Variants in KAZN observed in about 807,000 individuals in gnomAD.
KAZN encodes kazrin, periplakin interacting protein, also known as kazrin.
In KAZN, 40 loss-of-function variants were observed where a neutral mutation model predicts 87.4. The observed-to-expected ratio is 0.46, with a 90% confidence interval of 0.36 to 0.60. The LOEUF (loss-of-function observed/expected upper bound fraction) is 0.60, where lower values mean the gene tolerates loss of function less well. Ranked by LOEUF, KAZN falls within the 20% of genes least tolerant of loss-of-function variation. The pLI, the probability that KAZN is intolerant of heterozygous loss-of-function variation, is 0.00. For synonymous variants in KAZN, 466 were observed against 458.3 expected (o/e 1.02, Z -0.22); for missense variants, 898 against 1,073.9 (o/e 0.84, Z 2.29).
chr1:14,573,202 T>C (rs1557809071), intron 2 of KAZN, among the ~76,000 whole-genome samples: 2 of 152,218 alleles, frequency 1.3e-5, no homozygotes. Flanking sequence ...TTAAGCCCCA[T>C]GTGTATTTAG....
chr1:14,506,752 G>A (rs1272026475), intron 2 of KAZN, among the ~76,000 whole-genome samples: 2 of 152,176 alleles, frequency 1.3e-5, no homozygotes, highest in African/African-American at 2.4e-5. Context: ...GCTTTAGAAT[G>A]CATGAACAAA....
intron 1 of KAZN, among the ~76,000 whole-genome samples, chr1:14,167,197 C>T (rs1282236844): frequency 6.6e-6 from 1 of 152,194 alleles, no homozygotes; most frequent in African/African-American, 2.4e-5. Flanking sequence ...TCGTCAAGGT[C>T]AGGGGACAGA....
intron 2 of KAZN, among the ~76,000 whole-genome samples, chr1:14,567,197 G>T (rs1303305288): frequency 6.6e-6 from 1 of 152,082 alleles, no homozygotes; most frequent in African/African-American, 2.4e-5. Flanking sequence ...AGATGGCATA[G>T]TTTCAATATT....
intron 1 of KAZN, among the ~76,000 whole-genome samples, chr1:14,750,309 A>C (rs1440220226): frequency 2.0e-5 from 3 of 152,166 alleles, no homozygotes; most frequent in African/African-American, 7.2e-5. Flanking sequence ...AGAATTCAGG[A>C]TATCAATAAA....
intron 1 of KAZN, among the ~76,000 whole-genome samples, chr1:14,685,080 T>C (rs10803301): frequency 0.53 from 79,910 of 151,938 alleles, 21,089 homozygotes; most frequent in South Asian, 0.63. Context: ...CAGAAGCAAA[T>C]TCTGAGACAA....
At chr1:14,000,810 T>C (rs1639754019) in intron 1 of KAZN, among the ~76,000 whole-genome samples, 1 of 150,534 alleles carries the variant, frequency 6.6e-6, no homozygotes, top group Admixed American at 6.6e-5. Flanking sequence ...TGAGACGGAG[T>C]CTCGCTCTGT....
At chr1:14,299,634 A>G (rs1282235067) in intron 2 of KAZN, among the ~76,000 whole-genome samples, 1 of 152,212 alleles carries the variant, frequency 6.6e-6, no homozygotes, top group African/African-American at 2.4e-5. Flanking sequence ...TGTCGCACCC[A>G]TAGTTCTGCT....
At chr1:14,616,161 C>T (rs973368817) in intron 1 of KAZN, among the ~76,000 whole-genome samples, 2 of 152,174 alleles carry the variant, frequency 1.3e-5, no homozygotes, top group African/African-American at 4.8e-5. Flanking sequence ...GAAACTGAGG[C>T]TGGAGAGCGC....
intron 1 of KAZN, among the ~76,000 whole-genome samples, chr1:14,169,363 T>A (rs186623782): frequency 2.6e-5 from 4 of 152,078 alleles, no homozygotes; most frequent in Admixed American, 2.0e-4. Context: ...CTTTCCCACA[T>A]CCAGACTGCC....
chr1:14,182,751 T>A (rs1223381411), intron 2 of KAZN, among the ~76,000 whole-genome samples: 1 of 152,202 alleles, frequency 6.6e-6, no homozygotes, highest in African/African-American at 2.4e-5. Context: ...TTTCCATCTG[T>A]GCTTTAACAC....
At chr1:15,060,960 G>A (rs190753904) in intron 6 of KAZN, 3 of 152,420 alleles carry the variant, frequency 2.0e-5, no homozygotes, top group Non-Finnish European at 4.4e-5. Context: ...GGGTCTGGGT[G>A]TGGGGACCAC....
intron 2 of KAZN, among the ~76,000 whole-genome samples, chr1:14,220,033 C>G (rs1000808181): frequency 2.6e-4 from 39 of 152,158 alleles, no homozygotes; most frequent in Admixed American, 2.6e-3. Flanking sequence ...TCCTTTTCTT[C>G]TGAACAACCA....
At chr1:14,902,384 C>A (rs573417664) in intron 1 of KAZN, among the ~76,000 whole-genome samples, 1 of 152,198 alleles carries the variant, frequency 6.6e-6, no homozygotes, top group Admixed American at 6.5e-5. Flanking sequence ...CGCCACCACA[C>A]CCGGCTAATT....
intron 1 of KAZN, among the ~76,000 whole-genome samples, chr1:14,871,873 G>A (rs1652179029): frequency 6.6e-6 from 1 of 152,066 alleles, no homozygotes; most frequent in Non-Finnish European, 1.5e-5. Flanking sequence ...GGGAGAGAAA[G>A]GTGACCCGGG....
rs150722968 is a variant in KAZN, at chr1:14,447,521, G to A, written c.250-151462G>A. Among the ~76,000 whole-genome samples, 657 of 152,188 alleles carry A rather than the reference G, an allele frequency of 4.3e-3. 3 individuals carry two copies. Among genetic ancestry groups the A allele is most frequent in the African/African-American group, 0.015 (634 of 41,520 alleles). The stretch of plus-strand genomic sequence containing the variant: ...CCCAAAGTGCTGGGATTACAGGCAT[G>A]AGCCACCGCGCCCAGCCCTCCACCA... On this transcript the variant is annotated intron_variant, in intron 2 of 16. Transcript: ENST00000636203.
intron 4 of KAZN, among the ~76,000 whole-genome samples, chr1:15,050,612 A>T (rs1033134770): frequency 1.3e-5 from 2 of 152,156 alleles, no homozygotes; most frequent in Non-Finnish European, 2.9e-5. Flanking sequence ...CAACGAAAGC[A>T]GTCTGCCCCA....
chr1:13,925,398 C>G (rs528198170), intron 1 of KAZN, among the ~76,000 whole-genome samples: 1 of 152,124 alleles, frequency 6.6e-6, no homozygotes, highest in East Asian at 1.9e-4. Context: ...AATAAAGTGT[C>G]AAAGGGGGAT....
rs144863092 is a variant in KAZN, at chr1:14,451,724, C to T, written c.250-147259C>T. On this transcript the variant is annotated intron_variant, in intron 2 of 16. Transcript: ENST00000636203. ...CAAGCTGAAGACCCAAGAGAGTGGG[C>T]GGTATAGTTCCAGTTCAAGTCCAAA... is the stretch of plus-strand genomic sequence containing the variant. Among the ~76,000 whole-genome samples the T allele has an allele frequency of 6.6e-4, 101 of 152,116 alleles. 2 individuals carry two copies. The Middle Eastern group carries it at 0.01, about 15-fold the overall frequency.
intron 2 of KAZN, among the ~76,000 whole-genome samples, chr1:14,334,624 G>T (rs1016583448): frequency 1.3e-5 from 2 of 152,208 alleles, no homozygotes; most frequent in African/African-American, 4.8e-5. Context: ...AGGGAAGTCA[G>T]GCAGGATTAG....
Sources: gnomAD v4.1 joint callset for allele counts (sites outside exome capture counted in the v4.1 genomes callset) on GRCh38, gnomAD v4.1.1 for gene constraint, MANE v1.5 for transcripts, NCBI Gene and HGNC (gene_info 2026-07-23, HGNC 2026-07-21) for gene names.